The following PARD3 variants were observed in gnomAD, a reference collection of about 807,000 sequenced individuals.
PARD3 encodes partitioning defective 3 homolog.
In PARD3, 75 loss-of-function variants were observed where a neutral mutation model predicts 155.4. The observed-to-expected ratio is 0.48, with a 90% CI of 0.40 to 0.58. The LOEUF is 0.58. Ranked by LOEUF, PARD3 falls within the 20% of genes least tolerant of loss-of-function variation. The probability of loss-of-function intolerance (pLI) is 0.00; values close to 1 mark genes in which losing one functional copy is unlikely to be tolerated. For missense variants in PARD3, 1,642 were observed against 1,721.7 expected (o/e 0.95, Z 0.82); for synonymous variants, 576 against 610.5 (o/e 0.94, Z 0.83).
At chr10:34,587,164 C>T (rs1011031589) in intron 2 of PARD3, among the ~76,000 whole-genome samples, 1 of 152,074 alleles carries the variant, frequency 6.6e-6, no homozygotes, top group African/African-American at 2.4e-5. Context: ...CCCTCTGTCA[C>T]CCAGGCTGGA....
intron 2 of PARD3, among the ~76,000 whole-genome samples, chr10:34,542,439 C>T (rs576132101): frequency 6.6e-6 from 1 of 152,230 alleles, no homozygotes; most frequent in South Asian, 2.1e-4. Context: ...AAAACATCCT[C>T]AATACACAGG....
At chr10:34,409,538 G>A (rs935239263) in intron 5 of PARD3, among the ~76,000 whole-genome samples, 1 of 152,082 alleles carries the variant, frequency 6.6e-6, no homozygotes, top group African/African-American at 2.4e-5. Context: ...ATCATCTGCC[G>A]CATTCCTATA....
intron 22 of PARD3, among the ~76,000 whole-genome samples, chr10:34,223,529 G>A (rs1588836889): frequency 6.6e-6 from 1 of 152,146 alleles, no homozygotes; most frequent in Admixed American, 6.5e-5. Context: ...CTCTTTACGT[G>A]GGGGAAGGCG....
chr10:34,493,127 G>A (rs1450038399), intron 3 of PARD3, among the ~76,000 whole-genome samples: 2 of 152,196 alleles, frequency 1.3e-5, no homozygotes, highest in African/African-American at 4.8e-5. Context: ...CTGGAGTGGT[G>A]TTGAGTATCT....
intron 2 of PARD3, among the ~76,000 whole-genome samples, chr10:34,688,657 T>C (rs3002032): frequency 0.61 from 92,403 of 151,918 alleles, 29,019 homozygotes; most frequent in Non-Finnish European, 0.67. Context: ...GGGGCCAGGG[T>C]AATATAATAG....
At chr10:34,222,837 C>T (rs1349765823) in intron 22 of PARD3, among the ~76,000 whole-genome samples, 1 of 152,246 alleles carries the variant, frequency 6.6e-6, no homozygotes, top group Non-Finnish European at 1.5e-5. Context: ...AACAAAACCG[C>T]TCTCTTAAGC....
At chr10:34,758,557 T>A (rs1213983163) in intron 1 of PARD3, among the ~76,000 whole-genome samples, 1 of 152,210 alleles carries the variant, frequency 6.6e-6, no homozygotes, top group East Asian at 1.9e-4. Context: ...CTTCCTCTTA[T>A]CACGTCACAC....
At chr10:34,508,361 C>A (rs565128655) in intron 3 of PARD3, among the ~76,000 whole-genome samples, 2 of 152,204 alleles carry the variant, frequency 1.3e-5, no homozygotes, top group African/African-American at 4.8e-5. Flanking sequence ...AACACCATTT[C>A]CAGAAATTTC....
At chr10:34,139,773 G>T (rs1263652550) in intron 22 of PARD3, among the ~76,000 whole-genome samples, 1 of 152,220 alleles carries the variant, frequency 6.6e-6, no homozygotes, top group Non-Finnish European at 1.5e-5. Context: ...CAGACTGTCA[G>T]CATGACAAAG....
intron 1 of PARD3, among the ~76,000 whole-genome samples, chr10:34,734,399 G>T (rs1363355728): frequency 8.0e-6 from 1 of 124,482 alleles, no homozygotes; most frequent in Non-Finnish European, 1.6e-5. Context: ...GCAGTGGCGC[G>T]ATCTCAGCTC....
At chr10:34,727,471 GAC>G (rs1159469440) in intron 1 of PARD3, among the ~76,000 whole-genome samples, 1 of 152,124 alleles carries the variant, frequency 6.6e-6, no homozygotes, top group African/African-American at 2.4e-5. Context: ...CCAGACTGCT[GAC>G]ACCTGCAAGC....
chr10:34,605,707 CTA>C (rs1247687960), intron 2 of PARD3, among the ~76,000 whole-genome samples: 2 of 47,888 alleles, frequency 4.2e-5, no homozygotes, highest in Admixed American at 2.7e-4. Context: ...TATATATCTC[CTA>C]TATATATATA....
chr10:34,668,703 T>C lies in PARD3; in HGVS notation c.222+27615A>G, dbSNP rs149292108. Among the ~76,000 whole-genome samples the C allele has an allele frequency of 1.7e-3, 264 of 152,332 alleles. 1 individual carries two copies. The highest frequency in any genetic ancestry group is 5.9e-3 in the African/African-American group (247 of 41,580). On this transcript the variant is annotated intron_variant, in intron 2 of 24. Transcript: ENST00000374788. ...AGAAGAAAAACTTGGCCAGGCACAGTGGCTCATGCCTATAATCACAGTACT... is the reference window on the plus strand; with the variant it reads ...AGAAGAAAAACTTGGCCAGGCACAGCGGCTCATGCCTATAATCACAGTACT...
chr10:34,659,571 A>G (rs1438906451), intron 2 of PARD3, among the ~76,000 whole-genome samples: 4 of 152,224 alleles, frequency 2.6e-5, no homozygotes, highest in South Asian at 2.1e-4. Context: ...AAGACATAAT[A>G]GCATACATGA....
chr10:34,248,458 G>A (rs1954098674), intron 22 of PARD3, among the ~76,000 whole-genome samples: 2 of 152,162 alleles, frequency 1.3e-5, no homozygotes, highest in South Asian at 4.1e-4. Flanking sequence ...ATGATGCATG[G>A]CAAGAACATA....
chr10:34,312,243 C>T lies in PARD3; in HGVS notation c.3065+4864G>A, dbSNP rs1187600616. Reference sequence around the variant, plus strand: ...AACTGCTGATGTCGTAAACAAAATTCGTCAACAGCCACTAAGAATTCATTA... The same window carrying T: ...AACTGCTGATGTCGTAAACAAAATTTGTCAACAGCCACTAAGAATTCATTA... On this transcript the variant is annotated intron_variant, in intron 20 of 24. Transcript: ENST00000374788. The T allele has an allele frequency of 5.3e-5, 83 of 1,574,446 alleles. 1 individual carries two copies. Among genetic ancestry groups the T allele is most frequent in the South Asian group, 1.4e-4 (12 of 85,630 alleles).
At chr10:34,375,073 C>CACACACACACAA in intron 10 of PARD3, 71 bp from the exon 11 acceptor site, 1 of 949,318 alleles carries the variant, frequency 1.1e-6, no homozygotes, top group Admixed American at 1.9e-5. Context: ...CACACACACA[C>CACACACACACAA]ACACACACAC....
intron 5 of PARD3, among the ~76,000 whole-genome samples, chr10:34,417,609 T>C (rs572287406): frequency 4.0e-3 from 612 of 152,350 alleles, no homozygotes; most frequent in Non-Finnish European, 6.9e-3. Flanking sequence ...TGTTTGGGTT[T>C]ATTTTGAACT....
intron 20 of PARD3, among the ~76,000 whole-genome samples, chr10:34,308,411 A>T (rs1957523757): frequency 6.6e-6 from 1 of 152,172 alleles, no homozygotes; most frequent in South Asian, 2.1e-4. Flanking sequence ...GGGGCTGAAA[A>T]GTAGGATTGC....
Sources: allele counts gnomAD v4.1 joint callset (sites outside exome capture counted in the v4.1 genomes callset), GRCh38; gene constraint gnomAD v4.1.1; transcripts MANE v1.5; gene names NCBI Gene and HGNC (gene_info 2026-07-23, HGNC 2026-07-21).